Variants in HOXB2 observed in about 807,000 individuals in gnomAD.
The protein encoded by HOXB2 is homeobox B2.
HOXB2 carries 14 observed loss-of-function variants against 13.1 expected under a neutral mutation model. The observed-to-expected ratio is 1.07, with a 90% confidence interval of 0.71 to 1.67. The LOEUF is 1.67. Ranked by LOEUF, HOXB2 falls within the 40% of genes most tolerant of loss-of-function variation. The pLI is 0.00. For missense variants in HOXB2, 582 were observed against 488.3 expected, an observed-to-expected ratio of 1.19 and a Z score of -1.81; for synonymous variants, 261 against 233.1, an observed-to-expected ratio of 1.12 and a Z score of -1.09.
Position 48,543,002 on chromosome 17 carries a change from G to C in HOXB2, c.*66C>G, listed in dbSNP as rs1363375424. On this transcript the variant is annotated 3_prime_UTR_variant, in exon 2 of 2. Coordinates refer to ENST00000330070, the MANE Select transcript of HOXB2 (RefSeq NM_002145.4). Reference sequence around the variant, plus strand: ...AGTCTATGCGACTGAGGGTGGGAGAGGCTCGATTTTTCCAGTAGACGGCCA... The same window carrying C: ...AGTCTATGCGACTGAGGGTGGGAGACGCTCGATTTTTCCAGTAGACGGCCA... 18 of 1,347,560 alleles carry C rather than the reference G, an allele frequency of 1.3e-5. No individual in the cohort carries two copies. Among genetic ancestry groups the C allele is most frequent in the Non-Finnish European group, 1.8e-5 (18 of 985,482 alleles). The allele number at this position is 1,347,560 out of a possible 1,614,324, so 83.5% of individuals were successfully genotyped here.
chr17:48,544,757 G>T lies in HOXB2; in HGVS notation c.155C>A (p.Thr52Asn), dbSNP rs150846406. Residue 52 changes from threonine to asparagine, a missense_variant, in exon 1 of 2, where the codon ACC (threonine) becomes AAC (asparagine). By Grantham distance (65) the Thr-to-Asn change is moderately conservative. Coordinates refer to ENST00000330070, the MANE Select transcript of HOXB2 (RefSeq NM_002145.4). ...GGCGCCGGGCTGGAGGCTGGGGAAGGTTTGCTCGAAAGGAGGAGGAGGAGG... is the reference window on the plus strand; with the variant it reads ...GGCGCCGGGCTGGAGGCTGGGGAAGTTTTGCTCGAAAGGAGGAGGAGGAGG... Reference protein sequence around the residue: ...LIPPPPPFEQTFPSLQPGAST... With the variant: ...LIPPPPPFEQNFPSLQPGAST... 3.8e-4 allele frequency: 611 copies of T among 1,614,160 alleles called. No individual in the cohort carries two copies. The highest frequency in any genetic ancestry group is 5.0e-4 in the Non-Finnish European group (588 of 1,180,036).
chr17:48,545,025 G>A lies in HOXB2; in HGVS notation c.-114C>T, dbSNP rs2068556980. ...ATGTAATGGAGCGATTTTGGGAGGG[G>A]GAGATTTCGGTCTCTCTTTTTTTTA... On this transcript the variant is annotated 5_prime_UTR_variant, in exon 1 of 2. Transcript: ENST00000330070. 2 of 916,540 alleles carry A rather than the reference G, an allele frequency of 2.2e-6. No individual in the cohort carries two copies. Among genetic ancestry groups the A allele is most frequent in the South Asian group, 3.7e-5 (2 of 53,488 alleles). The allele number at this position is 916,540 out of a possible 1,614,324, so 56.8% of individuals were successfully genotyped here. A position where few individuals can be genotyped will look rare whatever the true frequency, so the allele number is the denominator to read the frequency against.
At position 48,543,360 on chromosome 17, in the gene HOXB2, G is replaced by A. The variant is rs1317880704; in HGVS notation, c.779C>T (p.Pro260Leu). The change falls in exon 2 of 2, where the codon CCC (proline) becomes CTC (leucine). Residue 260 changes from proline to leucine, a missense_variant. Physicochemically the swap from Pro to Leu is moderately conservative, Grantham distance 98. Coordinates refer to ENST00000330070, the MANE Select transcript of HOXB2 (RefSeq NM_002145.4). ...EVVPGALSAD[P>L]RPLAVRLEGA... Reference sequence around the variant, plus strand: ...CTCTAAGCGAACGGCTAAAGGCCGGGGGTCCGCGCTTAAGGCCCCCGGCAC... The same window carrying A: ...CTCTAAGCGAACGGCTAAAGGCCGGAGGTCCGCGCTTAAGGCCCCCGGCAC... 1 of 1,593,776 alleles carries A rather than the reference G, an allele frequency of 6.3e-7. No homozygotes were observed. Among genetic ancestry groups the A allele is most frequent in the Non-Finnish European group, 8.5e-7 (1 of 1,174,114 alleles).
Position 48,544,562 on chromosome 17 carries a change from G to T in HOXB2, c.350C>A (p.Ala117Asp). 10 of 1,607,142 alleles carry T rather than the reference G, an allele frequency of 6.2e-6. No individual in the cohort carries two copies. Among genetic ancestry groups the T allele is most frequent in the Non-Finnish European group, 8.5e-6 (10 of 1,179,906 alleles). The change falls in exon 1 of 2, where the codon GCC (alanine) becomes GAC (aspartate). Residue 117 changes from alanine (A) to aspartate (D), a missense_variant. Physicochemically the swap from Ala to Asp is moderately radical, Grantham distance 126. Transcript: ENST00000330070. The stretch of plus-strand genomic sequence containing the variant: ...CCCGGAGGCCGGAACGGCGGAGGCG[G>T]CCGGAGAAGGAGACGTGGCGGATTG... Reference protein sequence around the residue: ...PSQSATSPSPAASAVPASGVG... With the variant: ...PSQSATSPSPDASAVPASGVG...
chr17:48,544,970 G>A lies in HOXB2; in HGVS notation c.-59C>T. On this transcript the variant is annotated 5_prime_UTR_variant, in exon 1 of 2. Coordinates refer to ENST00000330070, the MANE Select transcript of HOXB2 (RefSeq NM_002145.4). ...GGGGCGTCAGGAGGGAGGATCGGAA[G>A]GGACCCCCCTCCTGCACCCCCCCCG... is the stretch of plus-strand genomic sequence containing the variant. 1 of 1,236,620 alleles carries A rather than the reference G, an allele frequency of 8.1e-7. No homozygotes were observed. The highest frequency in any genetic ancestry group is 1.0e-6 in the Non-Finnish European group (1 of 964,268). The allele number at this position is 1,236,620 out of a possible 1,614,324, so 76.6% of individuals were successfully genotyped here.
chr17:48,544,439 C>T (rs2068544409), intron 1 of HOXB2, 82 bp downstream of exon 1: 1 of 1,473,370 alleles, frequency 6.8e-7, no homozygotes, highest in Non-Finnish European at 8.9e-7. Flanking sequence ...GGCTCGCCAC[C>T]ATTTTTTTTA....
chr17:48,544,489 C>T, intron 1 of HOXB2, 32 bp downstream of exon 1: 1 of 1,571,704 alleles, frequency 6.4e-7, no homozygotes, highest in Admixed American at 1.9e-5. Context: ...CTTCTAGCTG[C>T]CCCTCACCCC....
rs986773190 is a variant in HOXB2 at position 48,543,090 on chromosome 17, G to A, written c.1049C>T (p.Ala350Val). Residue 350 changes from alanine (A) to valine (V), a missense_variant, in exon 2 of 2, where the codon GCC becomes GTC. Physicochemically the swap from Ala to Val is moderately conservative, Grantham distance 64 (BLOSUM62 0). Coordinates refer to ENST00000330070, the MANE Select transcript of HOXB2 (RefSeq NM_002145.4). ...ELDFFTSTLC[A>V]IDLQFP is the part of the protein sequence containing the mutation. ...AGGTTAGGGAAACTGCAGGTCGATG[G>A]CACAGAGCGTACTGGTGAAAAAATC... 3 of 1,608,166 alleles carry A rather than the reference G, an allele frequency of 1.9e-6. 1 individual carries two copies. The highest frequency in any genetic ancestry group is 1.3e-5 in the African/African-American group (1 of 74,546).
Position 48,543,668 on chromosome 17 carries a change from T to C in HOXB2, c.471A>G (p.Glu157=). ...TATTAAAGTGGAATTCCTTCTCCAG[T>C]TCCAGCAGCTGCGTGTTGGTGTAAG... ...RTAYTNTQLL[E]LEKEFHFNKY... The change falls in exon 2 of 2, where the codon GAA becomes GAG. Residue 157 remains glutamate (E), a synonymous_variant. Coordinates refer to ENST00000330070, the MANE Select transcript of HOXB2 (RefSeq NM_002145.4). The C allele has an allele frequency of 6.2e-7, 1 of 1,613,426 alleles. No individual in the cohort carries two copies. Among genetic ancestry groups the C allele is most frequent in the Non-Finnish European group, 8.5e-7 (1 of 1,179,952 alleles).
At chr17:48,544,486 C>G (rs1217084886) in intron 1 of HOXB2, 35 bp downstream of exon 1, 3 of 1,561,736 alleles carry the variant, frequency 1.9e-6, no homozygotes, top group African/African-American at 1.4e-5. Context: ...CCTCTTCTAG[C>G]TGCCCCTCAC....
In HOXB2 at chr17:48,543,664, C is replaced by T. The variant is rs2068529831; in HGVS notation, c.475G>A (p.Glu159Lys). The T allele has an allele frequency of 2.5e-6, 4 of 1,613,590 alleles. No homozygotes were observed. Among genetic ancestry groups the T allele is most frequent in the Non-Finnish European group, 3.4e-6 (4 of 1,179,988 alleles). ...AYTNTQLLEL[E>K]KEFHFNKYLC... Reference sequence around the variant, plus strand: ...TACTTATTAAAGTGGAATTCCTTCTCCAGTTCCAGCAGCTGCGTGTTGGTG... The same window carrying T: ...TACTTATTAAAGTGGAATTCCTTCTTCAGTTCCAGCAGCTGCGTGTTGGTG... The change falls in exon 2 of 2, where the codon GAG becomes AAG. Residue 159 changes from glutamate (E) to lysine (K), a missense_variant. Physicochemically the swap from Glu to Lys is moderately conservative, Grantham distance 56. Transcript: ENST00000330070.
At position 48,543,362 on chromosome 17, in the gene HOXB2, G is replaced by A. The variant is rs1041078334; in HGVS notation, c.777C>T (p.Asp259=). The change falls in exon 2 of 2, where the codon GAC becomes GAT. Residue 259 remains aspartate, a synonymous_variant. Coordinates refer to ENST00000330070, the MANE Select transcript of HOXB2 (RefSeq NM_002145.4). ...CTAAGCGAACGGCTAAAGGCCGGGG[G>A]TCCGCGCTTAAGGCCCCCGGCACCA... ...PEVVPGALSA[D]PRPLAVRLEG... 5 of 1,593,130 alleles carry A rather than the reference G, an allele frequency of 3.1e-6. No individual in the cohort carries two copies. The highest frequency in any genetic ancestry group is 3.4e-6 in the Non-Finnish European group (4 of 1,173,762).
chr17:48,544,939 C>CT lies in HOXB2; in HGVS notation c.-29dup, dbSNP rs772318292. ...CTTTCAATGGTGGGGGAGGGGGCTG[C>CT]TGGGGGGGGCGTCAGGAGGGAGGAT... On this transcript the variant is annotated 5_prime_UTR_variant, in exon 1 of 2. Coordinates refer to ENST00000330070, the MANE Select transcript of HOXB2 (RefSeq NM_002145.4). 3.6e-5 allele frequency: 15 copies of CT among 414,312 alleles called. No homozygotes were observed. In the South Asian group the frequency reaches 4.9e-4, roughly 14 times the overall value. 25.7% of individuals were successfully genotyped at this position (414,312 alleles called of 1,614,324 possible).
Position 48,543,860 on chromosome 17 carries a change from AC to A in HOXB2, c.392-114del, listed in dbSNP as rs1359896953. ...CACCTCTCCCCTTCCTCGCCACCCC[AC>A]CCCCGCCCCCACCCCAAAGCCGCTC... On this transcript the variant is annotated intron_variant, in intron 1 of 1. Transcript: ENST00000330070. 7 of 474,166 alleles carry A rather than the reference AC, an allele frequency of 1.5e-5. No individual in the cohort carries two copies. In the Admixed American group the frequency reaches 3.2e-4, roughly 21 times the overall value. 29.4% of individuals were successfully genotyped at this position (474,166 alleles called of 1,614,324 possible). A position where few individuals can be genotyped will look rare whatever the true frequency, so the allele number is the denominator to read the frequency against.
rs1206775814 is a variant in HOXB2, at chr17:48,543,372, A to G, written c.767T>C (p.Leu256Ser). ...GGCTAAAGGCCGGGGGTCCGCGCTT[A>G]AGGCCCCCGGCACCACCTCCGGCGG... ...CHPPEVVPGALSADPRPLAVR... is the reference protein window; with the variant it reads ...CHPPEVVPGASSADPRPLAVR... Residue 256 changes from leucine (L) to serine (S), a missense_variant, in exon 2 of 2, where the codon TTA (leucine) becomes TCA (serine). By Grantham distance (145) the Leu-to-Ser change is moderately radical. Transcript: ENST00000330070. The G allele has an allele frequency of 1.3e-6, 2 of 1,589,772 alleles. No individual in the cohort carries two copies. Among genetic ancestry groups the G allele is most frequent in the Admixed American group, 3.5e-5 (2 of 56,764 alleles).
Position 48,543,419 on chromosome 17 carries a change from C to T in HOXB2, c.720G>A (p.Ala240=). Residue 240 remains alanine, a synonymous_variant, in exon 2 of 2, where the codon GCG becomes GCA. Transcript: ENST00000330070. The part of the protein sequence containing the change: ...ASPGGPSASR[A]AWEACCHPPE... ...GCGGGTGACAGCAGGCTTCCCACGC[C>T]GCCCGCGAGGCGGAGGGGCCGCCCG... The T allele has an allele frequency of 5.0e-6, 8 of 1,585,232 alleles. No individual in the cohort carries two copies. Among genetic ancestry groups the T allele is most frequent in the Non-Finnish European group, 6.8e-6 (8 of 1,168,846 alleles).
rs751325140 is a variant in HOXB2, at chr17:48,543,168, G to C, written c.971C>G (p.Pro324Arg). 1.2e-6 allele frequency: 2 copies of C among 1,613,990 alleles called. No homozygotes were observed. Residue 324 changes from proline to arginine, a missense_variant, in exon 2 of 2, where the codon CCT (proline) becomes CGT (arginine). Pro to Arg is a moderately radical substitution (Grantham distance 103). Coordinates refer to ENST00000330070, the MANE Select transcript of HOXB2 (RefSeq NM_002145.4). The stretch of plus-strand genomic sequence containing the variant: ...GCTGTCGAGAGAACCCTGTAGGCTA[G>C]GGGAGAGGCCTCCGGATAGCTGGAG... ...SCLQLSGGLS[P>R]SLQGSLDSPV...
Position 48,544,939 on chromosome 17 carries a change from C to CTGGGGGGGGGGGGGGG in HOXB2, c.-29_-28insCCCCCCCCCCCCCCCA. On this transcript the variant is annotated 5_prime_UTR_variant, in exon 1 of 2. Transcript: ENST00000330070. ...CTTTCAATGGTGGGGGAGGGGGCTGCTGGGGGGGGCGTCAGGAGGGAGGAT... is the reference window on the plus strand; with the variant it reads ...CTTTCAATGGTGGGGGAGGGGGCTGCTGGGGGGGGGGGGGGGTGGGGGGGGCGTCAGGAGGGAGGAT... 1 of 414,286 alleles carries CTGGGGGGGGGGGGGGG rather than the reference C, an allele frequency of 2.4e-6. No homozygotes were observed. The highest frequency in any genetic ancestry group is 3.9e-6 in the Non-Finnish European group (1 of 254,686). 25.7% of individuals were successfully genotyped at this position (414,286 alleles called of 1,614,324 possible). A position where few individuals can be genotyped will look rare whatever the true frequency, so the allele number is the denominator to read the frequency against.
rs759653060 is a variant in HOXB2, at chr17:48,544,602, C to T, written c.310G>A (p.Ala104Thr). Residue 104 changes from alanine (A) to threonine (T), a missense_variant, in exon 1 of 2, where the codon GCC (alanine) becomes ACC (threonine). Physicochemically the swap from Ala to Thr is moderately conservative, Grantham distance 58. Coordinates refer to ENST00000330070, the MANE Select transcript of HOXB2 (RefSeq NM_002145.4). The part of the protein sequence containing the change: ...EFPWMKEKKS[A>T]KKPSQSATSP... ...GTGGCGGATTGGCTGGGTTTCTTGG[C>T]GGATTTCTTCTCTTTCATCCAAGGG... The T allele has an allele frequency of 1.2e-6, 2 of 1,609,456 alleles. No individual in the cohort carries two copies. Among genetic ancestry groups the T allele is most frequent in the South Asian group, 2.2e-5 (2 of 90,956 alleles).
Sources: allele counts gnomAD v4.1 joint callset, GRCh38; gene constraint gnomAD v4.1.1; transcripts MANE v1.5; gene names NCBI Gene and HGNC (gene_info 2026-07-23, HGNC 2026-07-21).